GFM2: variants seen among roughly 807,000 people sequenced by gnomAD.
The protein encoded by GFM2 is ribosome-releasing factor 2, mitochondrial.
A neutral mutation model predicts 95.4 loss-of-function variants in GFM2; 72 were observed. The observed-to-expected ratio is 0.76, with a 90% confidence interval of 0.62 to 0.92. The LOEUF (loss-of-function observed/expected upper bound fraction) is 0.92, where lower values mean the gene tolerates loss of function less well. GFM2 is among the 40% of genes least tolerant of loss of function. The pLI is 0.00. For synonymous variants in GFM2, 276 were observed against 317.5 expected (o/e 0.87, Z 1.39); for missense variants, 825 against 924.1 (o/e 0.89, Z 1.39).
At chr5:74,765,303 T>C (rs957937958) in intron 1 of GFM2, among the ~76,000 whole-genome samples, 30 of 152,152 alleles carry the variant, frequency 2.0e-4, no homozygotes, top group Admixed American at 1.9e-3. Context: ...TTTCTAGATA[T>C]CAGCGTTAAT....
intron 9 of GFM2, 116 bp from the exon 10 acceptor site, chr5:74,745,973 A>T: frequency 9.2e-7 from 1 of 1,083,050 alleles, no homozygotes; most frequent in South Asian, 1.5e-5. Context: ...CACCATTACT[A>T]TAATCTGTGG....
intron 15 of GFM2, among the ~76,000 whole-genome samples, chr5:74,734,497 A>G (rs987336427): frequency 1.3e-5 from 2 of 152,132 alleles, no homozygotes; most frequent in Non-Finnish European, 2.9e-5. Context: ...GCGGAATCTT[A>G]GGTTCTGGAC....
intron 17 of GFM2, 99 bp downstream of exon 17, chr5:74,730,161 A>G: frequency 8.8e-7 from 1 of 1,133,862 alleles, no homozygotes. Context: ...CTCCTCTGAT[A>G]GAAGACATTA....
intron 10 of GFM2, among the ~76,000 whole-genome samples, chr5:74,744,165 T>C (rs1743249716): frequency 6.6e-6 from 1 of 152,118 alleles, no homozygotes; most frequent in East Asian, 1.9e-4. Flanking sequence ...CTATGGCCTA[T>C]TACTCCTAGG....
intron 10 of GFM2, among the ~76,000 whole-genome samples, chr5:74,743,146 G>A (rs1371185642): frequency 1.3e-5 from 2 of 152,122 alleles, no homozygotes; most frequent in African/African-American, 4.8e-5. Flanking sequence ...CTCTGAATCT[G>A]ATTACTCTGG....
chr5:74,721,750 C>T lies in GFM2; in HGVS notation c.2245G>A (p.Gly749Ser). The T allele has an allele frequency of 1.2e-6, 2 of 1,613,508 alleles. No homozygotes were observed. Among genetic ancestry groups the T allele is most frequent in the Middle Eastern group, 3.3e-4 (2 of 6,056 alleles). The change falls in exon 21 of 21, where the codon GGC becomes AGC. Residue 749 changes from glycine (G) to serine (S), a missense_variant. Coordinates refer to ENST00000296805, the MANE Select transcript of GFM2 (RefSeq NM_032380.5). ...AGTTCTAAGGCAAAAGTAGCTGAGC[C>T]TGATGTTAGCGTTCGAAGCACAGTT... ...YSTVLRTLTS[G>S]SATFALELST... is the part of the protein sequence containing the mutation.
chr5:74,732,007 T>A (rs1332077316), intron 16 of GFM2, among the ~76,000 whole-genome samples: 1 of 151,658 alleles, frequency 6.6e-6, no homozygotes, highest in Non-Finnish European at 1.5e-5. Context: ...CAGACTAGAG[T>A]GCAGTGGTAT....
rs1360562612 is a variant in GFM2 at position 74,765,972 on chromosome 5, C to T, written c.-25+966G>A. ...CGAGATGGCGCATTTGCACTCCAGC[C>T]TGTGCGACAAGATTGAAACTCCGTC... On this transcript the variant is annotated intron_variant, in intron 1 of 20. Coordinates refer to ENST00000296805, the MANE Select transcript of GFM2 (RefSeq NM_032380.5). Among the ~76,000 whole-genome samples the T allele has an allele frequency of 2.0e-5, 3 of 151,872 alleles. No homozygotes were observed. The East Asian group carries it at 5.8e-4, about 30-fold the overall frequency.
At chr5:74,745,619 ATATTT>A in intron 10 of GFM2, 54 bp downstream of exon 10, 3 of 1,394,098 alleles carry the variant, frequency 2.2e-6, no homozygotes, top group Non-Finnish European at 2.9e-6. Flanking sequence ...AAGTATGACT[ATATTT>A]TAAGATAAGT....
chr5:74,753,372 C>T (rs1367441907), intron 5 of GFM2, among the ~76,000 whole-genome samples: 2 of 152,092 alleles, frequency 1.3e-5, no homozygotes, highest in East Asian at 1.9e-4. Context: ...CTGAGGCAGG[C>T]AGATCACTTG....
intron 17 of GFM2, among the ~76,000 whole-genome samples, chr5:74,728,452 A>AG (rs1750249841): frequency 6.6e-6 from 1 of 152,120 alleles, no homozygotes; most frequent in African/African-American, 2.4e-5. Flanking sequence ...TAAGAAAAGG[A>AG]GGGGTTTGGC....
Position 74,736,831 on chromosome 5 carries a change from C to T in GFM2, c.1475G>A (p.Cys492Tyr). 6.2e-7 allele frequency: 1 copy of T among 1,613,918 alleles called. No homozygotes were observed. Among genetic ancestry groups the T allele is most frequent in the Non-Finnish European group, 8.5e-7 (1 of 1,179,860 alleles). The change falls in exon 15 of 21, where the codon TGT (cysteine) becomes TAT (tyrosine). Residue 492 changes from cysteine (C) to tyrosine (Y), a missense_variant. Transcript: ENST00000296805. ...AGACAGTGATGGGGGTTCTATGGTA[C>T]AGAAGAAAACAGGTTCTGGAATCTC... ...GVEIPEPVFF[C>Y]TIEPPSLSKQ...
chr5:74,722,664 TCTTTA>T, intron 19 of GFM2, 103 bp from the exon 20 acceptor site: 2 of 847,236 alleles, frequency 2.4e-6, no homozygotes, highest in South Asian at 1.8e-5. Flanking sequence ...TTTAACTCTC[TCTTTA>T]AAGATAACGT....
At chr5:74,745,298 T>C (rs1028348626) in intron 10 of GFM2, among the ~76,000 whole-genome samples, 2 of 152,104 alleles carry the variant, frequency 1.3e-5, no homozygotes, top group African/African-American at 2.4e-5. Context: ...TGAGCTGAGA[T>C]TGTGCCACTG....
chr5:74,721,361 G>C lies in GFM2; in HGVS notation c.*294C>G, dbSNP rs1197529339. 1 of 739,122 alleles carries C rather than the reference G, an allele frequency of 1.4e-6. No individual in the cohort carries two copies. The allele number at this position is 739,122 out of a possible 1,614,324, so 45.8% of individuals were successfully genotyped here. A position where few individuals can be genotyped will look rare whatever the true frequency, so the allele number is the denominator to read the frequency against. ...GTGAGACAAGCTTAAGGACACAAAA[G>C]AAACACAACTTTGTGATACCACTCT... On this transcript the variant is annotated 3_prime_UTR_variant, in exon 21 of 21. Coordinates refer to ENST00000296805, the MANE Select transcript of GFM2 (RefSeq NM_032380.5).
intron 7 of GFM2, among the ~76,000 whole-genome samples, chr5:74,748,886 AAAAT>A (rs1233610735): frequency 9.3e-5 from 12 of 129,214 alleles, no homozygotes; most frequent in East Asian, 2.0e-4. Flanking sequence ...AAAATAAAAT[AAAAT>A]AAATAAAATA....
intron 15 of GFM2, among the ~76,000 whole-genome samples, chr5:74,734,092 A>G (rs1742708218): frequency 1.3e-5 from 2 of 152,116 alleles, no homozygotes; most frequent in African/African-American, 4.8e-5. Context: ...TATCTTAGGT[A>G]TACAAACCAG....
rs192144054 is a variant in GFM2 at position 74,734,288 on chromosome 5, T to A, written c.1511-1190A>T. 6.5e-4 allele frequency among the ~76,000 whole-genome samples: 99 copies of A among 152,234 alleles called. 1 individual carries two copies. The East Asian group carries it at 0.019, about 29-fold the overall frequency. On this transcript the variant is annotated intron_variant, in intron 15 of 20. Coordinates refer to ENST00000296805, the MANE Select transcript of GFM2 (RefSeq NM_032380.5). The stretch of plus-strand genomic sequence containing the variant: ...ATTGTAAATATTAGTAATTTTAATA[T>A]TGATATATTGAAGTAATATTTTGAT...
In GFM2 at chr5:74,730,398, T is replaced by C. The variant is rs1054556306; in HGVS notation, c.1588A>G (p.Thr530Ala). Residue 530 changes from threonine to alanine, a missense_variant and splice_region_variant, in exon 17 of 21, where the codon ACT (threonine) becomes GCT (alanine). Thr to Ala is a moderately conservative substitution (Grantham distance 58, BLOSUM62 0). Transcript: ENST00000296805. ...AACTCCCCCATACCACACAGAACAG[T>C]CTGGTTACCAGAGGAATGAAATAAA... is the stretch of plus-strand genomic sequence containing the variant. ...KVRLDPDSGQ[T>A]VLCGMGELHI... 3.2e-6 allele frequency: 5 copies of C among 1,575,780 alleles called. No homozygotes were observed. In the African/African-American group the frequency reaches 4.1e-5, roughly 13 times the overall value.
Sources: allele counts gnomAD v4.1 joint callset (sites outside exome capture counted in the v4.1 genomes callset), GRCh38; gene constraint gnomAD v4.1.1; transcripts MANE v1.5; gene names NCBI Gene and HGNC (gene_info 2026-07-23, HGNC 2026-07-21).